Variants in DMD observed in about 807,000 individuals in gnomAD.
DMD encodes mutant dystrophin.
Under a neutral mutation model 330.1 loss-of-function variants are expected in DMD, and 63 were observed. The observed-to-expected ratio is 0.19, with a 90% CI of 0.16 to 0.24. DMD has a LOEUF of 0.24. DMD is among the 10% of genes least tolerant of loss of function. The pLI, the probability that DMD is intolerant of heterozygous loss-of-function variation, is 1.00. For synonymous variants in DMD, 1,223 were observed against 959.8 expected (o/e 1.27, Z -5.07); for missense variants, 3,344 against 2,684.1 (o/e 1.25, Z -5.43).
rs781678160 is a variant in DMD at position 32,231,555 on chromosome X, A to G, written c.6291-14492T>C. The stretch of plus-strand genomic sequence containing the variant: ...TCTATCTTTGAATATATATGGCATG[A>G]GACCACACTTACAAATACATAAATA... On this transcript the variant is annotated intron_variant, in intron 43 of 78. Coordinates refer to ENST00000357033, the MANE Select transcript of DMD (RefSeq NM_004006.3). Among the ~76,000 whole-genome samples, 6 of 112,212 alleles carry G rather than the reference A, an allele frequency of 5.3e-5. No individual in the cohort carries two copies. In the Admixed American group the frequency reaches 5.7e-4, roughly 11 times the overall value.
chrX:31,486,883 A>G (rs2068849776), intron 57 of DMD, among the ~76,000 whole-genome samples: 1 of 112,165 alleles, frequency 8.9e-6, no homozygotes, highest in Non-Finnish European at 1.9e-5. Context: ...TTCTTTATTT[A>G]AAGAGCCACC....
chrX:32,858,776 A>G (rs2081820868), intron 2 of DMD, among the ~76,000 whole-genome samples: 1 of 111,299 alleles, frequency 9.0e-6, no homozygotes. Context: ...TTCTCCCTGT[A>G]GTATGAATAC....
At chrX:32,067,703 TGTATA>T (rs2096268672) in intron 44 of DMD, among the ~76,000 whole-genome samples, 1 of 111,828 alleles carries the variant, frequency 8.9e-6, no homozygotes, top group Admixed American at 9.5e-5. Context: ...TTTTCGTGGC[TGTATA>T]GTATTTTATG....
At chrX:31,943,608 T>C (rs184831592) in intron 45 of DMD, among the ~76,000 whole-genome samples, 1 of 111,647 alleles carries the variant, frequency 9.0e-6, no homozygotes, top group African/African-American at 3.2e-5. Flanking sequence ...TCTTTCTTCC[T>C]AACCCACAAC....
At chrX:31,648,387 T>C (rs1366287596) in intron 54 of DMD, among the ~76,000 whole-genome samples, 1 of 108,895 alleles carries the variant, frequency 9.2e-6, no homozygotes, top group African/African-American at 3.3e-5. Flanking sequence ...ACAAGTTAAG[T>C]AGCTCTGTGT....
intron 48 of DMD, among the ~76,000 whole-genome samples, chrX:31,845,424 T>TCTCTCTCTCC (rs1295024075): frequency 1.1e-5 from 1 of 94,345 alleles, no homozygotes. Context: ...TCTCTCTCTC[T>TCTCTCTCTCC]CCCTCTCCTC....
chrX:32,782,099 C>G (rs1427619501), intron 7 of DMD, among the ~76,000 whole-genome samples: 2 of 111,389 alleles, frequency 1.8e-5, no homozygotes, highest in African/African-American at 3.3e-5. Context: ...TGAATACAAT[C>G]TAATGAAAAC....
At chrX:33,028,826 A>G (rs901914270) in intron 1 of DMD, among the ~76,000 whole-genome samples, 1 of 112,231 alleles carries the variant, frequency 8.9e-6, no homozygotes, top group Admixed American at 9.5e-5. Flanking sequence ...ATTATAATTT[A>G]TAAAGTGATT....
At chrX:32,403,105 A>T (rs1369819283) in intron 30 of DMD, among the ~76,000 whole-genome samples, 1 of 112,014 alleles carries the variant, frequency 8.9e-6, no homozygotes, top group Non-Finnish European at 1.9e-5. Context: ...GAAAATTTTT[A>T]AAAAGCAAAT....
chrX:31,366,464 C>A (rs182054978), intron 60 of DMD, among the ~76,000 whole-genome samples: 1 of 38,418 alleles, frequency 2.6e-5, no homozygotes, highest in African/African-American at 1.3e-4. Flanking sequence ...CACTCTCTCT[C>A]TCTCTCAAAA....
chrX:31,944,663 CTTTT>C (rs1176678451), intron 45 of DMD, among the ~76,000 whole-genome samples: 2 of 81,535 alleles, frequency 2.5e-5, no homozygotes, highest in African/African-American at 9.2e-5. Context: ...TTTTGTTCTG[CTTTT>C]TTTTTTTTTT....
chrX:31,372,138 A>G (rs1216516800), intron 60 of DMD, among the ~76,000 whole-genome samples: 1 of 111,641 alleles, frequency 9.0e-6, no homozygotes, highest in Admixed American at 9.5e-5. Context: ...GCTTAGGGGC[A>G]GAGACTATCG....
chrX:32,791,376 A>G (rs1327895391), intron 7 of DMD, among the ~76,000 whole-genome samples: 2 of 111,459 alleles, frequency 1.8e-5, no homozygotes, highest in Non-Finnish European at 3.8e-5. Context: ...ATCAATGCCA[A>G]TGTACACAGC....
chrX:33,220,031 A>G (rs981943816), intron 1 of DMD, among the ~76,000 whole-genome samples: 1 of 111,499 alleles, frequency 9.0e-6, no homozygotes, highest in South Asian at 3.8e-4. Context: ...GTAAAGGAAT[A>G]ATGTTGGAAT....
intron 1 of DMD, among the ~76,000 whole-genome samples, chrX:33,260,951 C>G (rs1274944512): frequency 9.0e-6 from 1 of 111,058 alleles, no homozygotes; most frequent in Non-Finnish European, 1.9e-5. Context: ...CAAAAGCGAT[C>G]CACACTTACA....
rs746695329 is a variant in DMD, at chrX:33,009,192, G to GTA, written c.93+10945_93+10946dup. Among the ~76,000 whole-genome samples the GTA allele has an allele frequency of 2.2e-3, 93 of 42,186 alleles. 11 individuals carry two copies. Among genetic ancestry groups the GTA allele is most frequent in the African/African-American group, 9.3e-3 (81 of 8,691 alleles). The allele number at this position is 42,186 out of a possible 115,157, so 36.6% of individuals were successfully genotyped here. On this transcript the variant is annotated intron_variant, in intron 2 of 78. Coordinates refer to ENST00000357033, the MANE Select transcript of DMD (RefSeq NM_004006.3). ...TATATGTGTATATATACGTATATAT[G>GTA]TATATATGTGTATATATACACATAT...
Position 33,262,581 on chromosome X carries a change from G to A in DMD, c.7+76678C>T, listed in dbSNP as rs1439298082. Among the ~76,000 whole-genome samples the A allele has an allele frequency of 3.6e-5, 4 of 110,450 alleles. No homozygotes were observed. The Admixed American group carries it at 3.9e-4, about 11-fold the overall frequency. On this transcript the variant is annotated intron_variant, in intron 1 of 17. Transcript: ENST00000288447. ...ACTGGCACAGGAATTGGCAAATGAAGAACAGAACAAAAAAAGATGCCCAGA... is the reference window on the plus strand; with the variant it reads ...ACTGGCACAGGAATTGGCAAATGAAAAACAGAACAAAAAAAGATGCCCAGA...
At chrX:32,910,277 T>C (rs891696569) in intron 2 of DMD, among the ~76,000 whole-genome samples, 1 of 111,251 alleles carries the variant, frequency 9.0e-6, no homozygotes, top group South Asian at 3.8e-4. Flanking sequence ...TGAAAATGAT[T>C]ATGTAGGACA....
chrX:31,328,246 G>A (rs184417276), intron 61 of DMD, among the ~76,000 whole-genome samples: 4 of 110,182 alleles, frequency 3.6e-5, no homozygotes, highest in East Asian at 5.6e-4. Flanking sequence ...AAAATTCCTA[G>A]AAGTATATTT....
Sources: gnomAD v4.1 joint callset for allele counts (sites outside exome capture counted in the v4.1 genomes callset) on GRCh38, gnomAD v4.1.1 for gene constraint, MANE v1.5 for transcripts, NCBI Gene and HGNC (gene_info 2026-07-23, HGNC 2026-07-21) for gene names.